The following ADAM18 variants were observed in gnomAD, a reference collection of about 807,000 sequenced individuals.
ADAM18 encodes disintegrin and metalloproteinase domain-containing protein 18.
In ADAM18, 117 loss-of-function variants were observed where a neutral mutation model predicts 94.4. The ratio of observed to expected loss-of-function variants is 1.24; its 90% CI spans 1.07 to 1.45. The LOEUF (loss-of-function observed/expected upper bound fraction) is 1.45, where lower values mean the gene tolerates loss of function less well. Among genes scored for constraint, ADAM18 ranks in the 40% most tolerant of loss-of-function variants. The pLI, the probability that ADAM18 is intolerant of heterozygous loss-of-function variation, is 0.00. For missense variants in ADAM18, 936 were observed against 880.0 expected (o/e 1.06, Z -0.81); for synonymous variants, 327 against 291.6 (o/e 1.12, Z -1.24).
At chr8:39,702,705 T>C (rs1193673730) in intron 17 of ADAM18, among the ~76,000 whole-genome samples, 1 of 152,230 alleles carries the variant, frequency 6.6e-6, no homozygotes, top group Non-Finnish European at 1.5e-5. Context: ...TGCACATGGC[T>C]AGCCAGTTAT....
chr8:39,638,417 A>G (rs931031817), intron 9 of ADAM18, 48 bp from the exon 10 acceptor site: 1 of 1,298,628 alleles, frequency 7.7e-7, no homozygotes, highest in Admixed American at 2.2e-5. Context: ...ACATAAGCTT[A>G]CAAATTGTTT....
intron 15 of ADAM18, among the ~76,000 whole-genome samples, chr8:39,679,572 A>G (rs1392542028): frequency 6.6e-6 from 1 of 152,216 alleles, no homozygotes; most frequent in Non-Finnish European, 1.5e-5. Context: ...GTGGATCAAA[A>G]TGAAGGTTGT....
chr8:39,729,809 A>G, intron 19 of ADAM18, 89 bp from the exon 20 acceptor site: 2 of 1,032,338 alleles, frequency 1.9e-6, no homozygotes, highest in Non-Finnish European at 3.0e-6. Flanking sequence ...TAAAGTAGAA[A>G]TTCAGTAGTA....
At chr8:39,689,170 CTGTT>C (rs1186194074) in intron 16 of ADAM18, among the ~76,000 whole-genome samples, 6 of 151,946 alleles carry the variant, frequency 3.9e-5, no homozygotes, top group East Asian at 1.9e-4. Flanking sequence ...CTGTTTAACT[CTGTT>C]TGGTTTCTTT....
chr8:39,712,242 GC>G lies in ADAM18; in HGVS notation c.2017+5341del, dbSNP rs1290687321. Among the ~76,000 whole-genome samples, 8 of 152,024 alleles carry G rather than the reference GC, an allele frequency of 5.3e-5. No individual in the cohort carries two copies. In the South Asian group the frequency reaches 1.5e-3, roughly 28 times the overall value. On this transcript the variant is annotated intron_variant, in intron 18 of 19. Coordinates refer to ENST00000265707, the MANE Select transcript of ADAM18 (RefSeq NM_014237.3). ...AAAAGGCCTTTGATAAAATTCAACA[GC>G]CCTTCATGCTAAAAACTCTCAATAA...
At chr8:39,616,972 TGAA>T (rs1819460584) in intron 6 of ADAM18, among the ~76,000 whole-genome samples, 1 of 152,106 alleles carries the variant, frequency 6.6e-6, no homozygotes, top group Non-Finnish European at 1.5e-5. Context: ...GATTTTATGA[TGAA>T]GATACCAAAA....
intron 13 of ADAM18, among the ~76,000 whole-genome samples, chr8:39,665,043 A>G (rs1380295547): frequency 6.6e-6 from 1 of 152,160 alleles, no homozygotes; most frequent in Admixed American, 6.5e-5. Flanking sequence ...TAAAAAGGAT[A>G]GGTGATGTCA....
chr8:39,626,630 T>C (rs1229161063), intron 6 of ADAM18, among the ~76,000 whole-genome samples: 1 of 152,036 alleles, frequency 6.6e-6, no homozygotes, highest in African/African-American at 2.4e-5. Context: ...TTGAAGAATT[T>C]TTAAATTTTC....
intron 19 of ADAM18, among the ~76,000 whole-genome samples, chr8:39,725,157 A>G (rs1414674556): frequency 1.3e-5 from 2 of 151,984 alleles, no homozygotes; most frequent in Admixed American, 6.6e-5. Flanking sequence ...TAGTTATTCT[A>G]TCAGTTTTAT....
intron 11 of ADAM18, among the ~76,000 whole-genome samples, chr8:39,645,811 G>A (rs1820360509): frequency 6.6e-6 from 1 of 151,992 alleles, no homozygotes; most frequent in Admixed American, 6.6e-5. Context: ...ATTTTCAGTT[G>A]TTGGAAATTA....
chr8:39,663,845 C>T lies in ADAM18; in HGVS notation c.1281C>T (p.Gly427=). 1 of 1,612,286 alleles carries T rather than the reference C, an allele frequency of 6.2e-7. No homozygotes were observed. The highest frequency in any genetic ancestry group is 1.1e-5 in the South Asian group (1 of 90,556). ...ATTATAACACATGTAAACTGAAGGGCTCAGTAAAATGTGGTTCTGGACCAT... is the reference window on the plus strand; with the variant it reads ...ATTATAACACATGTAAACTGAAGGGTTCAGTAAAATGTGGTTCTGGACCAT... ...CCDYNTCKLK[G]SVKCGSGPCC... Residue 427 remains glycine, a synonymous_variant, in exon 13 of 20, where the codon GGC becomes GGT. Transcript: ENST00000265707.
intron 6 of ADAM18, among the ~76,000 whole-genome samples, chr8:39,622,139 CTTTTA>C (rs1386645689): frequency 3.3e-5 from 5 of 151,944 alleles, no homozygotes; most frequent in African/African-American, 1.2e-4. Context: ...TAATTTCCAA[CTTTTA>C]TTTTTAACTA....
At chr8:39,687,224 T>C (rs965573263) in intron 16 of ADAM18, among the ~76,000 whole-genome samples, 27 of 152,214 alleles carry the variant, frequency 1.8e-4, no homozygotes, top group African/African-American at 6.5e-4. Flanking sequence ...AATATGTCTA[T>C]GCAATATTCA....
intron 12 of ADAM18, among the ~76,000 whole-genome samples, chr8:39,656,137 G>A (rs777878140): frequency 2.0e-4 from 30 of 151,822 alleles, no homozygotes; most frequent in Non-Finnish European, 5.9e-5. Flanking sequence ...AAATAGACAA[G>A]CTGATTTTCA....
intron 10 of ADAM18, among the ~76,000 whole-genome samples, chr8:39,640,039 A>T (rs1820192772): frequency 6.6e-6 from 1 of 152,024 alleles, no homozygotes; most frequent in Non-Finnish European, 1.5e-5. Context: ...CAACTTTTAA[A>T]TTCAAGGGTA....
chr8:39,628,306 A>G (rs1411172368), intron 6 of ADAM18, among the ~76,000 whole-genome samples: 1 of 151,976 alleles, frequency 6.6e-6, no homozygotes, highest in East Asian at 1.9e-4. Flanking sequence ...ATTGCAGTAT[A>G]CATGTATACA....
chr8:39,667,944 C>G, intron 13 of ADAM18, 54 bp from the exon 14 acceptor site: 2 of 1,502,206 alleles, frequency 1.3e-6, no homozygotes, highest in Non-Finnish European at 1.8e-6. Context: ...TTTCACTAAG[C>G]AATTGAGAAA....
intron 14 of ADAM18, among the ~76,000 whole-genome samples, chr8:39,676,957 C>G (rs1821318732): frequency 6.6e-6 from 1 of 152,144 alleles, no homozygotes; most frequent in South Asian, 2.1e-4. Context: ...TTGGTCCAAT[C>G]CATCAGTGAT....
intron 11 of ADAM18, among the ~76,000 whole-genome samples, chr8:39,646,642 A>C (rs1306400947): frequency 6.6e-6 from 1 of 152,184 alleles, no homozygotes; most frequent in Non-Finnish European, 1.5e-5. Context: ...AACTGAGAAC[A>C]GACATGGTTG....
Sources: allele counts gnomAD v4.1 joint callset (sites outside exome capture counted in the v4.1 genomes callset), GRCh38; gene constraint gnomAD v4.1.1; transcripts MANE v1.5; gene names NCBI Gene and HGNC (gene_info 2026-07-23, HGNC 2026-07-21).